The following MAPK12 variants were observed in gnomAD, a reference collection of about 807,000 sequenced individuals.
The protein encoded by MAPK12 is MAP kinase 12.
MAPK12 carries 49 observed loss-of-function variants against 49.1 expected under a neutral mutation model. The ratio of observed to expected loss-of-function variants is 1.00; its 90% CI spans 0.79 to 1.27. The LOEUF is 1.27. Among genes scored for constraint, MAPK12 ranks in the 50% most tolerant of loss-of-function variants. The pLI, the probability that MAPK12 is intolerant of heterozygous loss-of-function variation, is 0.00. For missense variants in MAPK12, 554 were observed against 502.4 expected (o/e 1.10, Z -0.98); for synonymous variants, 251 against 209.7 (o/e 1.20, Z -1.70).
intron 11 of MAPK12, 22 bp from the exon 12 acceptor site, chr22:50,253,502 G>GGGGGGGGGGGCA: frequency 5.8e-6 from 1 of 171,684 alleles, no homozygotes. Flanking sequence ...GGGGGGGCGG[G>GGGGGGGGGGGCA]CACAACAGAG....
At chr22:50,259,889 GA>G (rs1397524613) in intron 2 of MAPK12, among the ~76,000 whole-genome samples, 2 of 100,302 alleles carry the variant, frequency 2.0e-5, no homozygotes, top group Non-Finnish European at 2.0e-5. Flanking sequence ...GGTCTCAAAA[GA>G]AAAAAAAAGA....
rs760232268 is a variant in MAPK12, at chr22:50,261,248, C to A, written c.174G>T (p.Leu58=). The stretch of plus-strand genomic sequence containing the variant: ...ACAGCTCGGACTGGAAAGGCCGATA[C>A]AGCTTCTTGATGGCCACCTTAGCGC... ...RTGAKVAIKK[L]YRPFQSELFA... is the part of the protein sequence containing the mutation. Residue 58 remains leucine, a synonymous_variant, in exon 2 of 12, where the codon CTG becomes CTT. Coordinates refer to ENST00000215659, the MANE Select transcript of MAPK12 (RefSeq NM_002969.6). 23 of 1,570,512 alleles carry A rather than the reference C, an allele frequency of 1.5e-5. 1 individual carries two copies. The highest frequency in any genetic ancestry group is 7.2e-5 in the Admixed American group (4 of 55,470).
chr22:50,257,203 G>A lies in MAPK12; in HGVS notation c.315-10C>T, dbSNP rs1467689665. The A allele has an allele frequency of 1.9e-6, 3 of 1,605,850 alleles. No individual in the cohort carries two copies. The highest frequency in any genetic ancestry group is 2.2e-5 in the East Asian group (1 of 44,820). On this transcript the variant is annotated splice_polypyrimidine_tract_variant and intron_variant, in intron 3 of 11. Coordinates refer to ENST00000215659, the MANE Select transcript of MAPK12 (RefSeq NM_002969.6). ...CGGCATCACCAGGTAACTGTGGGAG[G>A]GGCCGGAGCGCTGTCAGCGGACAGA...
At position 50,258,304 on chromosome 22, in the gene MAPK12, G is replaced by T. The variant is rs756575862; in HGVS notation, c.256-3C>A. The T allele has an allele frequency of 4.3e-6, 7 of 1,611,038 alleles. No individual in the cohort carries two copies. The highest frequency in any genetic ancestry group is 5.1e-6 in the Non-Finnish European group (6 of 1,178,408). Reference sequence around the variant, plus strand: ...AATACGTCCAGCAGCCCGATCACCTGGGGGGGCCACATAGGGTTGAGAATG... The same window carrying T: ...AATACGTCCAGCAGCCCGATCACCTTGGGGGGCCACATAGGGTTGAGAATG... On this transcript the variant is annotated splice_polypyrimidine_tract_variant and splice_region_variant and intron_variant, in intron 2 of 11. Transcript: ENST00000215659.
At chr22:50,257,034 G>T (rs1300310483) in intron 4 of MAPK12, 48 bp downstream of exon 4, 1 of 1,603,940 alleles carries the variant, frequency 6.2e-7, no homozygotes, top group South Asian at 1.1e-5. Flanking sequence ...CCTCTGCCCA[G>T]CCCCGAGGCC....
chr22:50,255,806 A>T lies in MAPK12; in HGVS notation c.691+4T>A, dbSNP rs977801490. On this transcript the variant is annotated splice_donor_region_variant and intron_variant, in intron 8 of 11. Coordinates refer to ENST00000215659, the MANE Select transcript of MAPK12 (RefSeq NM_002969.6). Reference sequence around the variant, plus strand: ...CCTGGTGCCGCCCTGCGGCTGGAGGATACGGTCGCTGCCCTTGAACAGCGT... The same window carrying T: ...CCTGGTGCCGCCCTGCGGCTGGAGGTTACGGTCGCTGCCCTTGAACAGCGT... The T allele has an allele frequency of 4.3e-6, 7 of 1,612,422 alleles. No homozygotes were observed. Among genetic ancestry groups the T allele is most frequent in the Non-Finnish European group, 4.2e-6 (5 of 1,179,986 alleles).
intron 5 of MAPK12, 96 bp from the exon 6 acceptor site, chr22:50,256,742 C>G (rs1275150520): frequency 6.5e-7 from 1 of 1,531,180 alleles, no homozygotes; most frequent in African/African-American, 1.4e-5. Flanking sequence ...GCCACCGGAC[C>G]TGGCCCCCTT....
intron 3 of MAPK12, chr22:50,257,911 A>G: frequency 2.6e-6 from 2 of 774,034 alleles, no homozygotes; most frequent in Non-Finnish European, 4.8e-6. Flanking sequence ...TACCGGCCAC[A>G]CACTTGGTGC....
chr22:50,261,590 C>T lies in MAPK12; in HGVS notation c.-81G>A. 9.9e-7 allele frequency: 1 copy of T among 1,012,762 alleles called. No homozygotes were observed. The highest frequency in any genetic ancestry group is 4.5e-5 in the South Asian group (1 of 22,124). 62.7% of individuals were successfully genotyped at this position (1,012,762 alleles called of 1,614,324 possible). A position where few individuals can be genotyped will look rare whatever the true frequency, so the allele number is the denominator to read the frequency against. On this transcript the variant is annotated 5_prime_UTR_variant, in exon 1 of 12. Coordinates refer to ENST00000215659, the MANE Select transcript of MAPK12 (RefSeq NM_002969.6). ...GGGGACGGGGCTCCCTCGGCGCGCG[C>T]CTCGGGCCGGCTCCGCGCCGCTCGT...
At chr22:50,258,546 G>A (rs2065176763) in intron 2 of MAPK12, among the ~76,000 whole-genome samples, 1 of 152,188 alleles carries the variant, frequency 6.6e-6, no homozygotes, top group South Asian at 2.1e-4. Flanking sequence ...GGTGACAACC[G>A]GGATCTTCTG....
intron 2 of MAPK12, among the ~76,000 whole-genome samples, chr22:50,258,719 C>T (rs1025612066): frequency 2.0e-5 from 3 of 152,226 alleles, no homozygotes; most frequent in Non-Finnish European, 4.4e-5. Context: ...CCCAGGCGGA[C>T]AGCACCGTGA....
Position 50,255,640 on chromosome 22 carries a change from A to G in MAPK12, c.746T>C (p.Phe249Ser). ...CTCATCGCTCTGCAGCCGCTGCACA[A>G]ACTCAGCCGGAGGCGTCCCCGTCAC... is the stretch of plus-strand genomic sequence containing the variant. ...MKVTGTPPAE[F>S]VQRLQSDEAK... Residue 249 changes from phenylalanine to serine, a missense_variant, in exon 9 of 12, where the codon TTT (phenylalanine) becomes TCT (serine). Transcript: ENST00000215659. 1.2e-6 allele frequency: 2 copies of G among 1,609,786 alleles called. No homozygotes were observed. Among genetic ancestry groups the G allele is most frequent in the Non-Finnish European group, 1.7e-6 (2 of 1,179,350 alleles).
intron 11 of MAPK12, 22 bp from the exon 12 acceptor site, chr22:50,253,502 G>GGGGGGGGGGGCCCCCCCCCCCCCC: frequency 1.2e-5 from 2 of 171,642 alleles, no homozygotes; most frequent in Non-Finnish European, 2.3e-5. Flanking sequence ...GGGGGGGCGG[G>GGGGGGGGGGGCCCCCCCCCCCCCC]CACAACAGAG....
rs565695504 is a variant in MAPK12 at position 50,260,087 on chromosome 22, G to A, written c.255+1080C>T. On this transcript the variant is annotated intron_variant, in intron 2 of 11. Transcript: ENST00000215659. ...TGGGTGTGACGGGGTGTCGAGGTGC[G>A]GGCAGGGCTGGTGTCCACTGCAAAT... Among the ~76,000 whole-genome samples, 36 of 151,854 alleles carry A rather than the reference G, an allele frequency of 2.4e-4. No homozygotes were observed. The East Asian group carries it at 4.7e-3, about 20-fold the overall frequency.
chr22:50,255,596 C>T lies in MAPK12; in HGVS notation c.771+19G>A, dbSNP rs1314310739. On this transcript the variant is annotated intron_variant, in intron 9 of 11. Coordinates refer to ENST00000215659, the MANE Select transcript of MAPK12 (RefSeq NM_002969.6). ...CAGGTCCGCCCCCACCCCCACCCAG[C>T]TCCCCACTCACCCCTTACCTCATCG... is the stretch of plus-strand genomic sequence containing the variant. 1 of 1,545,500 alleles carries T rather than the reference C, an allele frequency of 6.5e-7. No homozygotes were observed.
At chr22:50,253,797 T>G in intron 11 of MAPK12, 1 of 419,974 alleles carries the variant, frequency 2.4e-6, no homozygotes, top group Non-Finnish European at 4.4e-6. Context: ...GTTATCTTTC[T>G]AGCAGCAGAA....
chr22:50,258,343 G>T, intron 2 of MAPK12, 42 bp from the exon 3 acceptor site: 1 of 1,560,352 alleles, frequency 6.4e-7, no homozygotes. Context: ...CAGAGGACAC[G>T]GGCTGGGGCA....
At position 50,259,595 on chromosome 22, in the gene MAPK12, C is replaced by T. The variant is rs116702369; in HGVS notation, c.256-1294G>A. Among the ~76,000 whole-genome samples the T allele has an allele frequency of 3.0e-3, 464 of 152,168 alleles. 1 individual carries two copies. The highest frequency in any genetic ancestry group is 0.011 in the African/African-American group (439 of 41,512). On this transcript the variant is annotated intron_variant, in intron 2 of 11. Coordinates refer to ENST00000215659, the MANE Select transcript of MAPK12 (RefSeq NM_002969.6). ...CGGGGCGGTGGCTAAAGAAAAGCCC[C>T]GGTGGAGCCCGGCGCGGTGGCTCAC...
chr22:50,258,335 G>T, intron 2 of MAPK12, 34 bp from the exon 3 acceptor site: 1 of 1,592,270 alleles, frequency 6.3e-7, no homozygotes, highest in Non-Finnish European at 8.6e-7. Flanking sequence ...GAATGCAGCA[G>T]AGGACACGGG....
Sources: gnomAD v4.1 joint callset for allele counts (sites outside exome capture counted in the v4.1 genomes callset) on GRCh38, gnomAD v4.1.1 for gene constraint, MANE v1.5 for transcripts, NCBI Gene and HGNC (gene_info 2026-07-23, HGNC 2026-07-21) for gene names.